Variants in PLSCR4 observed in about 807,000 individuals in gnomAD.
PLSCR4 encodes the protein phospholipid scramblase 4.
Under a neutral mutation model 36.3 loss-of-function variants are expected in PLSCR4, and 25 were observed. The ratio of observed to expected loss-of-function variants is 0.69; its 90% CI spans 0.50 to 0.96. PLSCR4 has a LOEUF of 0.96. PLSCR4 is among the 40% of genes least tolerant of loss of function. PLSCR4 has a pLI of 0.00. For synonymous variants in PLSCR4, 122 were observed against 132.9 expected (o/e 0.92, Z 0.56); for missense variants, 408 against 414.7 (o/e 0.98, Z 0.14).
In PLSCR4 at chr3:146,195,054, T is replaced by C. The variant is rs575522068; in HGVS notation, c.945+70A>G. 3.7e-4 allele frequency: 511 copies of C among 1,370,036 alleles called. 1 individual carries two copies. The highest frequency in any genetic ancestry group is 6.6e-4 in the Admixed American group (38 of 57,258). The allele number at this position is 1,370,036 out of a possible 1,614,324, so 84.9% of individuals were successfully genotyped here. A position where few individuals can be genotyped will look rare whatever the true frequency, so the allele number is the denominator to read the frequency against. On this transcript the variant is annotated intron_variant, in intron 8 of 8. Transcript: ENST00000354952. ...GATTGGTTTCAAGGCTTATTCTTTA[T>C]ACTACACTATACTGCTTCTCCATCA...
At position 146,223,868 on chromosome 3, in the gene PLSCR4, ATATATAT is replaced by A. The variant is rs2035299788; in HGVS notation, c.-21-1783_-21-1777del. ...TAAAAATGTTTTAAATATATATTTA[ATATATAT>A]TATATATTTTTACATTTATATTTTA... On this transcript the variant is annotated intron_variant, in intron 1 of 8. Coordinates refer to ENST00000354952, the MANE Select transcript of PLSCR4 (RefSeq NM_020353.3). 9 of 124,354 alleles carry A rather than the reference ATATATAT, an allele frequency of 7.2e-5. No homozygotes were observed. In the South Asian group the frequency reaches 9.4e-4, roughly 13 times the overall value. The allele number at this position is 124,354 out of a possible 1,614,324, so 7.7% of individuals were successfully genotyped here.
intron 1 of PLSCR4, among the ~76,000 whole-genome samples, chr3:146,238,768 C>T (rs1665476396): frequency 6.6e-6 from 1 of 151,978 alleles, no homozygotes; most frequent in Non-Finnish European, 1.5e-5. Context: ...TTCTTTTCAA[C>T]ATTGTACTGG....
At chr3:146,209,842 G>A (rs2034530912) in intron 3 of PLSCR4, among the ~76,000 whole-genome samples, 1 of 152,074 alleles carries the variant, frequency 6.6e-6, no homozygotes, top group Admixed American at 6.6e-5. Context: ...TGAACTGTCA[G>A]GAAGGCCAGG....
rs150974703 is a variant in PLSCR4, at chr3:146,209,949, A to G, written c.119-3188T>C. On this transcript the variant is annotated intron_variant, in intron 3 of 8. Transcript: ENST00000354952. ...TAAGTTATGTAAGTCAAGATATTTTATGTTAAGATTTCAGTATAGTCGTCC... is the reference window on the plus strand; with the variant it reads ...TAAGTTATGTAAGTCAAGATATTTTGTGTTAAGATTTCAGTATAGTCGTCC... 2.6e-4 allele frequency among the ~76,000 whole-genome samples: 39 copies of G among 152,238 alleles called. No individual in the cohort carries two copies. The East Asian group carries it at 6.0e-3, about 23-fold the overall frequency.
At chr3:146,238,396 T>C (rs892423816) in intron 1 of PLSCR4, among the ~76,000 whole-genome samples, 7 of 151,932 alleles carry the variant, frequency 4.6e-5, no homozygotes, top group African/African-American at 1.7e-4. Context: ...ACAAAAATTC[T>C]CAACAAAATA....
intron 1 of PLSCR4, among the ~76,000 whole-genome samples, chr3:146,243,566 A>G (rs979566371): frequency 2.0e-5 from 3 of 152,180 alleles, no homozygotes; most frequent in Admixed American, 6.5e-5. Flanking sequence ...TTTCAGCACC[A>G]ACATGATGTC....
At chr3:146,236,483 G>A (rs568704273) in intron 1 of PLSCR4, among the ~76,000 whole-genome samples, 4 of 152,278 alleles carry the variant, frequency 2.6e-5, no homozygotes, top group African/African-American at 9.6e-5. Flanking sequence ...CCCAGGTGTT[G>A]TGGGAGGGAC....
chr3:146,240,302 C>T (rs71300385), intron 1 of PLSCR4, among the ~76,000 whole-genome samples: 5,522 of 152,070 alleles, frequency 0.036, 153 homozygotes, highest in South Asian at 0.073. Context: ...AAAAAAAATG[C>T]GGATCAAAAC....
intron 4 of PLSCR4, among the ~76,000 whole-genome samples, chr3:146,204,374 C>T (rs1225650268): frequency 3.3e-5 from 5 of 151,916 alleles, no homozygotes; most frequent in African/African-American, 9.7e-5. Context: ...TCCATTGGGA[C>T]GGCCCTTTAT....
At chr3:146,228,998 A>G (rs2035587030) in intron 1 of PLSCR4, among the ~76,000 whole-genome samples, 1 of 152,206 alleles carries the variant, frequency 6.6e-6, no homozygotes, top group African/African-American at 2.4e-5. Flanking sequence ...CTTTAAAAAG[A>G]GGTATCTACT....
intron 1 of PLSCR4, among the ~76,000 whole-genome samples, chr3:146,228,132 T>C (rs1001315051): frequency 3.3e-5 from 5 of 152,168 alleles, no homozygotes; most frequent in African/African-American, 1.2e-4. Context: ...ATCAACCTCA[T>C]AGAAATACTG....
At chr3:146,207,792 C>T (rs2034414959) in intron 3 of PLSCR4, among the ~76,000 whole-genome samples, 2 of 152,060 alleles carry the variant, frequency 1.3e-5, no homozygotes, top group South Asian at 4.1e-4. Context: ...TTATCTTTGT[C>T]ATTATAAGTC....
intron 1 of PLSCR4, among the ~76,000 whole-genome samples, chr3:146,250,299 T>C (rs2036495087): frequency 6.6e-6 from 1 of 152,242 alleles, no homozygotes; most frequent in African/African-American, 2.4e-5. Context: ...TGGTGCATTA[T>C]ATCTTCACAA....
chr3:146,226,273 A>C (rs972710236), intron 1 of PLSCR4, among the ~76,000 whole-genome samples: 4 of 152,306 alleles, frequency 2.6e-5, no homozygotes, highest in African/African-American at 9.6e-5. Flanking sequence ...GCATATTTAT[A>C]TGCATTGCAT....
At chr3:146,225,853 C>T (rs897537085) in intron 1 of PLSCR4, among the ~76,000 whole-genome samples, 8 of 152,166 alleles carry the variant, frequency 5.3e-5, no homozygotes, top group African/African-American at 1.9e-4. Flanking sequence ...CCAGCCTTGG[C>T]CAGCCCAGAA....
At chr3:146,237,490 C>G (rs1411537678) in intron 1 of PLSCR4, among the ~76,000 whole-genome samples, 7 of 151,976 alleles carry the variant, frequency 4.6e-5, no homozygotes, top group Non-Finnish European at 7.4e-5. Context: ...ATAACATGAG[C>G]CTCAATAAAT....
intron 1 of PLSCR4, among the ~76,000 whole-genome samples, chr3:146,243,058 G>T (rs955555829): frequency 1.7e-4 from 26 of 152,214 alleles, no homozygotes; most frequent in African/African-American, 6.3e-4. Context: ...TGTGGTGGGG[G>T]TTTCAAATCA....
intron 3 of PLSCR4, 46 bp from the exon 4 acceptor site, chr3:146,206,807 G>T: frequency 8.5e-7 from 1 of 1,182,174 alleles, no homozygotes; most frequent in Non-Finnish European, 1.2e-6. Context: ...TAACACTAAA[G>T]TTAGCATAAC....
intron 7 of PLSCR4, 84 bp from the exon 8 acceptor site, chr3:146,195,366 A>C: frequency 9.3e-7 from 1 of 1,079,770 alleles, no homozygotes; most frequent in Non-Finnish European, 1.4e-6. Context: ...AGATAACATA[A>C]ATACAATGCA....
Sources: gnomAD v4.1 joint callset for allele counts (sites outside exome capture counted in the v4.1 genomes callset) on GRCh38, gnomAD v4.1.1 for gene constraint, MANE v1.5 for transcripts, NCBI Gene and HGNC (gene_info 2026-07-23, HGNC 2026-07-21) for gene names.